The following DLEC1 variants were observed in gnomAD, a reference collection of about 807,000 sequenced individuals.
DLEC1 encodes the protein DLEC1 cilia and flagella associated protein, also known as deleted in lung and esophageal cancer protein 1.
In DLEC1, 146 loss-of-function variants were observed where a neutral mutation model predicts 198.1. The ratio of observed to expected loss-of-function variants is 0.74; its 90% CI spans 0.64 to 0.85. DLEC1 has a LOEUF of 0.85. DLEC1 is among the 40% of genes least tolerant of loss of function. The pLI is 0.00. For missense variants in DLEC1, 2,233 were observed against 2,220.0 expected, an observed-to-expected ratio of 1.01 and a Z score of -0.12; for synonymous variants, 897 against 866.8, an observed-to-expected ratio of 1.03 and a Z score of -0.61.
intron 35 of DLEC1, 29 bp downstream of exon 35, chr3:38,121,810 G>C (rs200474849): frequency 6.2e-7 from 1 of 1,611,438 alleles, no homozygotes; most frequent in Non-Finnish European, 8.5e-7. Flanking sequence ...CCTACCCACC[G>C]TTCCCCTACA....
chr3:38,067,180 A>G (rs867803178), intron 6 of DLEC1, among the ~76,000 whole-genome samples: 1 of 152,232 alleles, frequency 6.6e-6, no homozygotes, highest in Admixed American at 6.5e-5. Context: ...TTTGATGTTC[A>G]TAACAGTTGT....
At chr3:38,083,302 T>C (rs1431478213) in intron 6 of DLEC1, among the ~76,000 whole-genome samples, 3 of 150,820 alleles carry the variant, frequency 2.0e-5, no homozygotes. Context: ...GGGGTGGGGC[T>C]GTTTTATAAG....
chr3:38,117,495 G>C lies in DLEC1; in HGVS notation c.4401-32G>C, dbSNP rs756746558. On this transcript the variant is annotated intron_variant, in intron 31 of 36. Coordinates refer to ENST00000308059, the MANE Select transcript of DLEC1 (RefSeq NM_007335.4). ...GGCAGCCAGAAGGCCCCAGGCGCCC[G>C]GCTTGCCCCAACAATGCCTATTGCT... is the stretch of plus-strand genomic sequence containing the variant. 8 of 1,613,992 alleles carry C rather than the reference G, an allele frequency of 5.0e-6. No individual in the cohort carries two copies. The East Asian group carries it at 1.8e-4, about 36-fold the overall frequency.
chr3:38,111,306 A>G (rs980904941), intron 23 of DLEC1, among the ~76,000 whole-genome samples: 1 of 152,172 alleles, frequency 6.6e-6, no homozygotes, highest in African/African-American at 2.4e-5. Context: ...AAAACTGGAA[A>G]TGGGCCTGTT....
intron 6 of DLEC1, among the ~76,000 whole-genome samples, chr3:38,066,047 CCT>C (rs1697013538): frequency 6.6e-6 from 1 of 152,204 alleles, no homozygotes. Flanking sequence ...TTCCATTTTT[CCT>C]CTTTTTTGAC....
intron 3 of DLEC1, among the ~76,000 whole-genome samples, chr3:38,061,274 G>A (rs1696669317): frequency 6.6e-6 from 1 of 152,156 alleles, no homozygotes; most frequent in Non-Finnish European, 1.5e-5. Context: ...CTGGGTTCAA[G>A]CGTTTCTCCT....
chr3:38,084,021 C>T (rs1001002115), intron 6 of DLEC1, 137 bp from the exon 7 acceptor site: 19 of 713,862 alleles, frequency 2.7e-5, no homozygotes, highest in African/African-American at 7.1e-5. Context: ...CAGCCAGCTT[C>T]GACAGTTACC....
chr3:38,120,365 G>A, intron 33 of DLEC1, 83 bp from the exon 34 acceptor site: 1 of 1,529,430 alleles, frequency 6.5e-7, no homozygotes, highest in Non-Finnish European at 9.0e-7. Context: ...GGGCCTGGGA[G>A]GAAAGGAGGA....
chr3:38,071,745 GT>G (rs1005460567), intron 6 of DLEC1, among the ~76,000 whole-genome samples: 32 of 152,322 alleles, frequency 2.1e-4, no homozygotes, highest in African/African-American at 7.5e-4. Context: ...CTTGAGTAGA[GT>G]TTTTATTAAA....
intron 6 of DLEC1, among the ~76,000 whole-genome samples, chr3:38,081,847 C>T (rs1338052241): frequency 1.5e-5 from 2 of 129,242 alleles, no homozygotes; most frequent in Non-Finnish European, 3.4e-5. Context: ...GGGGGGCTGA[C>T]CCCCCCACCT....
chr3:38,053,800 T>C (rs1432843759), intron 2 of DLEC1, among the ~76,000 whole-genome samples: 1 of 152,072 alleles, frequency 6.6e-6, no homozygotes, highest in Non-Finnish European at 1.5e-5. Flanking sequence ...TGTTGCTGTG[T>C]CTGTGTAGAA....
rs143952046 is a variant in DLEC1, at chr3:38,055,776, G to A, written c.563-3966G>A. Among the ~76,000 whole-genome samples the A allele has an allele frequency of 5.3e-3, 802 of 152,174 alleles. 9 individuals are homozygous for A. The highest frequency in any genetic ancestry group is 0.017 in the African/African-American group (721 of 41,500). ...TGACCCTGGTTATCTGGGTTGCGGG[G>A]AGAAAAATTAGAGCCCTCACCAACA... is the stretch of plus-strand genomic sequence containing the variant. On this transcript the variant is annotated intron_variant, in intron 2 of 36. Coordinates refer to ENST00000308059, the MANE Select transcript of DLEC1 (RefSeq NM_007335.4).
In DLEC1 at chr3:38,122,757, ATGGATTTGCCT is replaced by A. The variant is rs1700557981; in HGVS notation, c.*348_*358del. 16 of 1,258,794 alleles carry A rather than the reference ATGGATTTGCCT, an allele frequency of 1.3e-5. No individual in the cohort carries two copies. The highest frequency in any genetic ancestry group is 1.6e-5 in the Non-Finnish European group (15 of 948,644). 78.0% of individuals were successfully genotyped at this position (1,258,794 alleles called of 1,614,324 possible). On this transcript the variant is annotated 3_prime_UTR_variant, in exon 37 of 37. Transcript: ENST00000308059. Reference sequence around the variant, plus strand: ...ACTATGCCCATTGCACTTCTCATCCATGGATTTGCCTTGCCTTAAGAATTAACCATGGCCTT... The same window carrying A: ...ACTATGCCCATTGCACTTCTCATCCATGCCTTAAGAATTAACCATGGCCTT...
In DLEC1 at chr3:38,039,359, T is replaced by C; in HGVS notation, c.134T>C (p.Leu45Ser). ...AGCCAGCCCACCTGGAAGTCCTCCT[T>C]GTATTCCTCCCTCGCCTACTCTGAG... ...SPSQPTWKSSLYSSLAYSEAF... is the reference protein window; with the variant it reads ...SPSQPTWKSSSYSSLAYSEAF... Residue 45 changes from leucine (L) to serine (S), a missense_variant, in exon 1 of 37, where the codon TTG (leucine) becomes TCG (serine). Transcript: ENST00000308059. 4.3e-6 allele frequency: 7 copies of C among 1,614,178 alleles called. No individual in the cohort carries two copies. Among genetic ancestry groups the C allele is most frequent in the Non-Finnish European group, 5.9e-6 (7 of 1,180,014 alleles).
Position 38,092,771 on chromosome 3 carries a change from C to G in DLEC1, c.1666-19C>G. 1 of 1,610,570 alleles carries G rather than the reference C, an allele frequency of 6.2e-7. No homozygotes were observed. Among genetic ancestry groups the G allele is most frequent in the Non-Finnish European group, 8.5e-7 (1 of 1,176,808 alleles). On this transcript the variant is annotated intron_variant, in intron 10 of 36. Transcript: ENST00000308059. ...AGCCCTTTAATGGGAGGTAACGGAA[C>G]AACCCTTCTCTCCCCCAGGTCTTGT...
chr3:38,110,345 C>T, intron 23 of DLEC1, 64 bp downstream of exon 23: 2 of 1,584,270 alleles, frequency 1.3e-6, no homozygotes, highest in Non-Finnish European at 1.7e-6. Flanking sequence ...CCTGTTGAGC[C>T]TCTGTGTGGC....
chr3:38,075,769 G>A (rs1697579236), intron 6 of DLEC1, among the ~76,000 whole-genome samples: 1 of 152,040 alleles, frequency 6.6e-6, no homozygotes, highest in Non-Finnish European at 1.5e-5. Flanking sequence ...GGGGGTTCTT[G>A]CCCCCTAGAA....
At chr3:38,054,209 CAAAACAAAA>C (rs1559398535) in intron 2 of DLEC1, among the ~76,000 whole-genome samples, 86 of 103,734 alleles carry the variant, frequency 8.3e-4, no homozygotes, top group Admixed American at 2.4e-3. Flanking sequence ...AAAAAAAAAA[CAAAACAAAA>C]AAACAAACAA....
chr3:38,115,096 G>C (rs1321961155), intron 27 of DLEC1, 43 bp downstream of exon 27: 3 of 1,605,592 alleles, frequency 1.9e-6, no homozygotes, highest in African/African-American at 1.3e-5. Context: ...GCCACAGGCT[G>C]TGCCTTGTGG....
Sources: gnomAD v4.1 joint callset for allele counts (sites outside exome capture counted in the v4.1 genomes callset) on GRCh38, gnomAD v4.1.1 for gene constraint, MANE v1.5 for transcripts, NCBI Gene and HGNC (gene_info 2026-07-23, HGNC 2026-07-21) for gene names.